CR1: variants seen among roughly 807,000 people sequenced by gnomAD.
The protein encoded by CR1 is complement C3b/C4b receptor 1 (Knops blood group).
In CR1, 116 loss-of-function variants were observed where a neutral mutation model predicts 187.3. That is an observed-to-expected ratio of 0.62 (90% confidence interval 0.53 to 0.72). The LOEUF is 0.72. CR1 is among the 30% of genes least tolerant of loss of function. The pLI, the probability that CR1 is intolerant of heterozygous loss-of-function variation, is 0.00. For synonymous variants in CR1, 576 were observed against 747.1 expected (o/e 0.77, Z 3.73); for missense variants, 1,731 against 2,110.7 (o/e 0.82, Z 3.52).
At chr1:207,617,539 ATGTGTG>A (rs1558271398) in intron 41 of CR1, among the ~76,000 whole-genome samples, 91 of 38,180 alleles carry the variant, frequency 2.4e-3, no homozygotes, top group Admixed American at 3.3e-3. Flanking sequence ...GTGTGTGTGT[ATGTGTG>A]TATATATATA....
At chr1:207,624,589 C>G (rs952935079) in intron 45 of CR1, among the ~76,000 whole-genome samples, 2 of 152,174 alleles carry the variant, frequency 1.3e-5, no homozygotes, top group Non-Finnish European at 2.9e-5. Context: ...AGAACCTAGA[C>G]AGGAACTCAA....
At chr1:207,501,344 ATATGT>A (rs1363279798) in intron 1 of CR1, among the ~76,000 whole-genome samples, 4 of 152,232 alleles carry the variant, frequency 2.6e-5, no homozygotes, top group African/African-American at 4.8e-5. Context: ...CAACGCATAC[ATATGT>A]TATAAGTAAT....
chr1:207,606,934 T>C (rs1317590851), intron 35 of CR1, among the ~76,000 whole-genome samples: 1 of 152,212 alleles, frequency 6.6e-6, no homozygotes, highest in African/African-American at 2.4e-5. Flanking sequence ...ATTTCCTTGC[T>C]GGAAGTACAC....
At chr1:207,593,084 C>CAAAAAAAAAAAAAAA (rs57700679) in intron 35 of CR1, among the ~76,000 whole-genome samples, 9 of 83,098 alleles carry the variant, frequency 1.1e-4, no homozygotes, top group East Asian at 2.9e-4. Flanking sequence ...CACAGAATTA[C>CAAAAAAAAAAAAAAA]AAAAAAAAAA....
At chr1:207,506,199 T>A (rs779124135) in intron 2 of CR1, 116 bp downstream of exon 2, 1 of 1,201,026 alleles carries the variant, frequency 8.3e-7, no homozygotes, top group African/African-American at 1.5e-5. Context: ...CAAGGTGCAA[T>A]ACATATGAGA....
chr1:207,614,639 T>G, intron 40 of CR1, 150 bp downstream of exon 40: 1 of 549,594 alleles, frequency 1.8e-6, no homozygotes, highest in Non-Finnish European at 3.2e-6. Context: ...TCAAGAAGGG[T>G]CTTGTAGGTC....
intron 31 of CR1, 31 bp from the exon 32 acceptor site, chr1:207,581,887 T>A (rs376526411): frequency 8.1e-6 from 12 of 1,480,662 alleles, no homozygotes; most frequent in Admixed American, 1.7e-5. Context: ...AAATGGTGCA[T>A]TCATCCAGCC....
At chr1:207,633,317 TATA>T (rs1662708270) in intron 46 of CR1, among the ~76,000 whole-genome samples, 2 of 152,266 alleles carry the variant, frequency 1.3e-5, no homozygotes, top group South Asian at 4.1e-4. Context: ...TAGGGGAAAA[TATA>T]AAAAATATAA....
intron 13 of CR1, among the ~76,000 whole-genome samples, chr1:207,544,769 CT>C (rs1450490511): frequency 6.8e-6 from 1 of 147,170 alleles, no homozygotes; most frequent in Admixed American, 6.7e-5. Context: ...ACCCATAGTT[CT>C]TTACCACCCT....
At chr1:207,566,165 C>A (rs1202621963) in intron 24 of CR1, among the ~76,000 whole-genome samples, 1 of 150,342 alleles carries the variant, frequency 6.7e-6, no homozygotes, top group Admixed American at 6.6e-5. Context: ...TGGTCTTGTG[C>A]TCCTAGGTCA....
chr1:207,516,433 A>G (rs1215374016), intron 4 of CR1, among the ~76,000 whole-genome samples: 1 of 152,220 alleles, frequency 6.6e-6, no homozygotes. Flanking sequence ...GGTAGCATAT[A>G]TCTCCTAACT....
chr1:207,617,938 G>A, intron 41 of CR1, 133 bp from the exon 42 acceptor site: 2 of 874,306 alleles, frequency 2.3e-6, no homozygotes, highest in Non-Finnish European at 1.7e-6. Context: ...ATAGGAGGGA[G>A]TGGCTTATGA....
intron 35 of CR1, among the ~76,000 whole-genome samples, chr1:207,595,303 A>G (rs560407693): frequency 6.6e-6 from 1 of 152,262 alleles, no homozygotes; most frequent in South Asian, 2.1e-4. Context: ...AAAAGAAAGC[A>G]GAATGAATAG....
At chr1:207,605,337 CCACACACACACA>C (rs61201153) in intron 35 of CR1, among the ~76,000 whole-genome samples, 8 of 142,698 alleles carry the variant, frequency 5.6e-5, no homozygotes, top group Admixed American at 3.5e-4. Context: ...AATATTCTCA[CCACACACACACA>C]CACACACACA....
In CR1 at chr1:207,618,086, C is replaced by G. The variant is rs779246269; in HGVS notation, c.6905C>G (p.Pro2302Arg). Residue 2302 changes from proline (P) to arginine (R), a missense_variant, in exon 42 of 47, where the codon CCC becomes CGC. Transcript: ENST00000367049. ...LSVPAACPHP[P>R]KIQNGHYIGG... ...TTGTTCTTAGCCTGCCCACATCCAC[C>G]CAAGATCCAAAACGGGCATTACATT... 3.0e-5 allele frequency: 48 copies of G among 1,612,808 alleles called. No individual in the cohort carries two copies. In the South Asian group the frequency reaches 5.2e-4, roughly 17 times the overall value.
At chr1:207,618,946 T>G (rs56267719) in intron 42 of CR1, among the ~76,000 whole-genome samples, 176 of 140,878 alleles carry the variant, frequency 1.2e-3, no homozygotes, top group Non-Finnish European at 2.2e-3. Flanking sequence ...GGCTGAGGCA[T>G]GAGAATCACT....
At chr1:207,584,526 A>T in intron 32 of CR1, 123 bp from the exon 33 acceptor site, 1 of 1,220,582 alleles carries the variant, frequency 8.2e-7, no homozygotes, top group Non-Finnish European at 1.1e-6. Context: ...TGCAGTTTCT[A>T]CTTTCCTTAA....
intron 31 of CR1, 57 bp from the exon 32 acceptor site, chr1:207,581,861 C>T: frequency 8.2e-7 from 1 of 1,216,714 alleles, no homozygotes; most frequent in Non-Finnish European, 1.2e-6. Context: ...TGAGATCTGT[C>T]ACGAAGGGAA....
At chr1:207,578,814 C>T (rs189993170) in intron 29 of CR1, among the ~76,000 whole-genome samples, 2 of 152,282 alleles carry the variant, frequency 1.3e-5, no homozygotes, top group African/African-American at 4.8e-5. Context: ...AGACAAAGAC[C>T]TTAGAGTTTG....
Sources: gnomAD v4.1 joint callset for allele counts (sites outside exome capture counted in the v4.1 genomes callset) on GRCh38, gnomAD v4.1.1 for gene constraint, MANE v1.5 for transcripts, NCBI Gene and HGNC (gene_info 2026-07-23, HGNC 2026-07-21) for gene names.